Variants in SH3KBP1 observed in about 807,000 individuals in gnomAD.
SH3KBP1 encodes SH3 domain-containing kinase-binding protein 1.
In SH3KBP1, 8 loss-of-function variants were observed where a neutral mutation model predicts 50.1. The observed-to-expected ratio is 0.16, with a 90% confidence interval of 0.09 to 0.29. SH3KBP1 has a LOEUF of 0.29. SH3KBP1 is among the 10% of genes least tolerant of loss of function. SH3KBP1 has a pLI of 1.00. For synonymous variants in SH3KBP1, 227 were observed against 218.6 expected (o/e 1.04, Z -0.34); for missense variants, 377 against 535.2 (o/e 0.70, Z 2.92).
chrX:19,692,893 T>C (rs890688021), intron 5 of SH3KBP1, among the ~76,000 whole-genome samples: 3 of 108,775 alleles, frequency 2.8e-5, no homozygotes, highest in African/African-American at 1.0e-4. Flanking sequence ...TTCACCATGA[T>C]GGCCAGGCTG....
intron 1 of SH3KBP1, among the ~76,000 whole-genome samples, chrX:19,885,536 T>C (rs1323819497): frequency 8.9e-6 from 1 of 111,808 alleles, no homozygotes; most frequent in Non-Finnish European, 1.9e-5. Context: ...TTCTGAAGAA[T>C]GAAAACAGTT....
At chrX:19,864,225 G>A (rs769588061) in intron 1 of SH3KBP1, among the ~76,000 whole-genome samples, 7 of 111,418 alleles carry the variant, frequency 6.3e-5, no homozygotes, top group South Asian at 3.7e-4. Flanking sequence ...CATCTTCCAC[G>A]TAGGCTGCCA....
chrX:19,562,183 T>C (rs1339315385), intron 13 of SH3KBP1, among the ~76,000 whole-genome samples: 1 of 111,832 alleles, frequency 8.9e-6, no homozygotes, highest in Non-Finnish European at 1.9e-5. Context: ...CAGAACAAAA[T>C]ACTTAATAAA....
chrX:19,553,920 A>T (rs1373732395), intron 13 of SH3KBP1, among the ~76,000 whole-genome samples: 5 of 59,586 alleles, frequency 8.4e-5, no homozygotes, highest in South Asian at 8.2e-4. Flanking sequence ...TATTATATAT[A>T]ATATTAAAAT....
intron 4 of SH3KBP1, among the ~76,000 whole-genome samples, chrX:19,705,581 G>A (rs752644874): frequency 1.3e-4 from 15 of 111,392 alleles, no homozygotes; most frequent in Admixed American, 2.9e-4. Context: ...TCCAAAATTC[G>A]GAAGTAGGTA....
At chrX:19,871,288 T>C (rs2069034925) in intron 1 of SH3KBP1, among the ~76,000 whole-genome samples, 1 of 112,398 alleles carries the variant, frequency 8.9e-6, no homozygotes. Context: ...ACTCTAGATA[T>C]GTTTGAGGAG....
intron 2 of SH3KBP1, among the ~76,000 whole-genome samples, chrX:19,831,681 C>T (rs1002663769): frequency 1.1e-4 from 11 of 103,984 alleles, no homozygotes; most frequent in African/African-American, 3.9e-4. Flanking sequence ...ATCACAGCTA[C>T]TCGGGAGGCT....
At chrX:19,648,068 C>G (rs774902551) in intron 6 of SH3KBP1, 7 of 375,309 alleles carry the variant, frequency 1.9e-5, no homozygotes, top group South Asian at 1.6e-4. Flanking sequence ...TCTCTTCTCT[C>G]TCTCCTTTCC....
intron 3 of SH3KBP1, among the ~76,000 whole-genome samples, chrX:19,713,006 CT>C (rs748383481): frequency 3.5e-4 from 39 of 110,554 alleles, no homozygotes; most frequent in Non-Finnish European, 1.3e-4. Context: ...GGAGGATCAC[CT>C]GAGGCCAGGA....
chrX:19,687,541 A>G lies in SH3KBP1; in HGVS notation c.521-3513T>C, dbSNP rs2063193307. Reference sequence around the variant, plus strand: ...TGGCATAAGCATGAGCAGCTCAGGAAAGGGCAGCTGCATCAAAAAACACAA... The same window carrying G: ...TGGCATAAGCATGAGCAGCTCAGGAGAGGGCAGCTGCATCAAAAAACACAA... On this transcript the variant is annotated intron_variant, in intron 5 of 17. Transcript: ENST00000397821. 4.9e-6 allele frequency: 4 copies of G among 809,430 alleles called. No homozygotes were observed. In the Admixed American group the frequency reaches 9.0e-5, roughly 18 times the overall value. The allele number at this position is 809,430 out of a possible 1,213,427, so 66.7% of individuals were successfully genotyped here. A position where few individuals can be genotyped will look rare whatever the true frequency, so the allele number is the denominator to read the frequency against.
chrX:19,760,045 T>TCTCTCC (rs2065356000), intron 2 of SH3KBP1, among the ~76,000 whole-genome samples: 1 of 64,322 alleles, frequency 1.6e-5, no homozygotes, highest in Non-Finnish European at 3.0e-5. Context: ...TCTCTCCCTC[T>TCTCTCC]CTCTCTCTCT....
At chrX:19,753,399 T>G (rs900338168) in intron 2 of SH3KBP1, among the ~76,000 whole-genome samples, 21 of 111,784 alleles carry the variant, frequency 1.9e-4, no homozygotes, top group African/African-American at 6.8e-4. Context: ...AAACAAACAC[T>G]TTTACCAAGT....
In SH3KBP1 at chrX:19,535,371, C is replaced by T. The variant is rs771585968; in HGVS notation, c.*1046G>A. On this transcript the variant is annotated 3_prime_UTR_variant, in exon 18 of 18. Transcript: ENST00000397821. ...TTTAAACGATAACACACACGGGTAA[C>T]CCAGTGCAGGAAATAATACAACTTT... 6.6e-6 allele frequency: 1 copy of T among 150,431 alleles called. No individual in the cohort carries two copies. Among genetic ancestry groups the T allele is most frequent in the South Asian group, 3.3e-4 (1 of 3,050 alleles). 12.4% of individuals were successfully genotyped at this position (150,431 alleles called of 1,213,427 possible). A position where few individuals can be genotyped will look rare whatever the true frequency, so the allele number is the denominator to read the frequency against.
intron 9 of SH3KBP1, among the ~76,000 whole-genome samples, chrX:19,596,155 T>G (rs1875179693): frequency 8.9e-6 from 1 of 111,818 alleles, no homozygotes; most frequent in Non-Finnish European, 1.9e-5. Context: ...AGTGAAGTTC[T>G]GCCAGTTAAC....
At chrX:19,566,185 A>C (rs923726425) in intron 13 of SH3KBP1, among the ~76,000 whole-genome samples, 4 of 110,898 alleles carry the variant, frequency 3.6e-5, no homozygotes, top group African/African-American at 1.3e-4. Context: ...TTCTAGGATT[A>C]ATGTCTCTGT....
At chrX:19,783,160 G>A (rs1202100493) in intron 2 of SH3KBP1, among the ~76,000 whole-genome samples, 1 of 111,808 alleles carries the variant, frequency 8.9e-6, no homozygotes, top group African/African-American at 3.3e-5. Context: ...CACTGACTCT[G>A]GAGGCAGCTC....
chrX:19,562,148 G>A (rs2065700298), intron 13 of SH3KBP1, among the ~76,000 whole-genome samples: 1 of 111,866 alleles, frequency 8.9e-6, no homozygotes, highest in South Asian at 3.7e-4. Flanking sequence ...TAAGGATTTT[G>A]ATAATTTACT....
Position 19,562,567 on chromosome X carries a change from C to T in SH3KBP1, c.1384+6536G>A, listed in dbSNP as rs2065714134. Among the ~76,000 whole-genome samples, 3 of 111,675 alleles carry T rather than the reference C, an allele frequency of 2.7e-5. No homozygotes were observed. The Admixed American group carries it at 2.8e-4, about 11-fold the overall frequency. On this transcript the variant is annotated intron_variant, in intron 13 of 17. Transcript: ENST00000397821. ...CTTAAATCTGTAGGTACACCCAGTA[C>T]CTCCAGAATACGGCACTAGAATACG... is the stretch of plus-strand genomic sequence containing the variant.
chrX:19,887,335 C>G lies in SH3KBP1; in HGVS notation c.-25G>C. ...TTGGCGTCGAGCCGGGCCGGGCCGC[C>G]GAGGCAGCGTGAAAGTTGGCGGAGG... On this transcript the variant is annotated 5_prime_UTR_variant, in exon 1 of 18. Coordinates refer to ENST00000397821, the MANE Select transcript of SH3KBP1 (RefSeq NM_031892.3). 1 of 973,372 alleles carries G rather than the reference C, an allele frequency of 1.0e-6. No individual in the cohort carries two copies. The highest frequency in any genetic ancestry group is 1.3e-6 in the Non-Finnish European group (1 of 773,710). 80.2% of individuals were successfully genotyped at this position (973,372 alleles called of 1,213,427 possible).
Sources: gnomAD v4.1 joint callset for allele counts (sites outside exome capture counted in the v4.1 genomes callset) on GRCh38, gnomAD v4.1.1 for gene constraint, MANE v1.5 for transcripts, NCBI Gene and HGNC (gene_info 2026-07-23, HGNC 2026-07-21) for gene names.